The following ITGA1 variants were observed in gnomAD, a reference collection of about 807,000 sequenced individuals.
The protein encoded by ITGA1 is integrin alpha-1.
A neutral mutation model predicts 145.9 loss-of-function variants in ITGA1; 85 were observed. That is an observed-to-expected ratio of 0.58 (90% confidence interval 0.49 to 0.70). The LOEUF is 0.70. Ranked by LOEUF, ITGA1 falls within the 30% of genes least tolerant of loss-of-function variation. The pLI is 0.00. For synonymous variants in ITGA1, 520 were observed against 495.3 expected (o/e 1.05, Z -0.66); for missense variants, 1,351 against 1,418.7 (o/e 0.95, Z 0.77).
intron 2 of ITGA1, among the ~76,000 whole-genome samples, chr5:52,857,768 C>T (rs1295481998): frequency 6.6e-6 from 1 of 152,134 alleles, no homozygotes; most frequent in Non-Finnish European, 1.5e-5. Flanking sequence ...CTTTTAGGGC[C>T]TCAACCATGC....
intron 22 of ITGA1, 47 bp from the exon 23 acceptor site, chr5:52,933,847 A>G: frequency 1.0e-6 from 1 of 965,826 alleles, no homozygotes; most frequent in South Asian, 1.9e-5. Context: ...GCCAAATAAA[A>G]GTTAAACTTT....
intron 1 of ITGA1, among the ~76,000 whole-genome samples, chr5:52,789,166 G>C (rs1365282508): frequency 6.6e-6 from 1 of 152,068 alleles, no homozygotes; most frequent in African/African-American, 2.4e-5. Context: ...CATTTTGTAA[G>C]ATTTTCCCAA....
At chr5:52,903,406 T>C (rs1017616379) in intron 11 of ITGA1, 12 of 152,162 alleles carry the variant, frequency 7.9e-5, no homozygotes, top group African/African-American at 2.9e-4. Context: ...TACAAACATG[T>C]AACACATTAC....
intron 10 of ITGA1, 144 bp downstream of exon 10, chr5:52,897,672 C>A (rs1219087075): frequency 1.6e-6 from 1 of 619,388 alleles, no homozygotes; most frequent in Non-Finnish European, 2.9e-6. Flanking sequence ...TTTTCTAATT[C>A]AAATAGGAAA....
chr5:52,955,346 C>CAGATGATAGATAGAT lies in ITGA1; in HGVS notation c.*2899_*2900insGATAGATAGATAGAT, dbSNP rs944897958. 1.4e-5 allele frequency: 2 copies of CAGATGATAGATAGAT among 148,112 alleles called. No homozygotes were observed. Among genetic ancestry groups the CAGATGATAGATAGAT allele is most frequent in the African/African-American group, 5.0e-5 (2 of 40,036 alleles). 9.2% of individuals were successfully genotyped at this position (148,112 alleles called of 1,614,324 possible). ...CCACTGAGACAGATTACACGATAGACAGATAGATAGATAGATAGATAGATA... is the reference window on the plus strand; with the variant it reads ...CCACTGAGACAGATTACACGATAGACAGATGATAGATAGATAGATAGATAGATAGATAGATAGATA... On this transcript the variant is annotated 3_prime_UTR_variant, in exon 29 of 29. Transcript: ENST00000282588.
intron 1 of ITGA1, among the ~76,000 whole-genome samples, chr5:52,806,217 TAA>T (rs58907747): frequency 0.26 from 36,681 of 139,976 alleles, 5,503 homozygotes; most frequent in African/African-American, 0.45. Context: ...AAATTTAGTG[TAA>T]AAGTGTTACA....
rs367648010 is a variant in ITGA1, at chr5:52,833,458, A to C, written c.62-15907A>C. ...ATATGATTGTATTATGGGTTCCATA[A>C]AACATTATGACAATGTATTTTCTGG... On this transcript the variant is annotated intron_variant, in intron 1 of 28. Transcript: ENST00000282588. Among the ~76,000 whole-genome samples the C allele has an allele frequency of 9.9e-5, 15 of 152,276 alleles. 1 individual carries two copies. The South Asian group carries it at 3.1e-3, about 32-fold the overall frequency.
chr5:52,856,909 G>T (rs770242660), intron 2 of ITGA1, among the ~76,000 whole-genome samples: 5 of 152,118 alleles, frequency 3.3e-5, no homozygotes, highest in Non-Finnish European at 7.4e-5. Flanking sequence ...GTCCAAGCTG[G>T]CTTTCCTCAC....
At chr5:52,912,041 T>G (rs1038453960) in intron 14 of ITGA1, among the ~76,000 whole-genome samples, 1 of 139,450 alleles carries the variant, frequency 7.2e-6, no homozygotes, top group Non-Finnish European at 1.5e-5. Context: ...CTACTATATA[T>G]ACTATATATG....
At chr5:52,794,235 T>A (rs894684855) in intron 1 of ITGA1, among the ~76,000 whole-genome samples, 17 of 151,992 alleles carry the variant, frequency 1.1e-4, no homozygotes, top group African/African-American at 4.1e-4. Context: ...TGCAAATTCT[T>A]AAATTTAAAT....
intron 14 of ITGA1, among the ~76,000 whole-genome samples, chr5:52,912,092 A>G (rs1304359855): frequency 7.0e-5 from 10 of 141,992 alleles, no homozygotes; most frequent in East Asian, 6.4e-4. Context: ...ATATAGATAC[A>G]CTATATATAG....
At chr5:52,882,569 C>A (rs1749977292) in intron 7 of ITGA1, among the ~76,000 whole-genome samples, 1 of 151,974 alleles carries the variant, frequency 6.6e-6, no homozygotes, top group Non-Finnish European at 1.5e-5. Context: ...GTAATCCTCT[C>A]TCCTTTTTTA....
chr5:52,902,413 A>T (rs1480216597), intron 11 of ITGA1: 1 of 152,196 alleles, frequency 6.6e-6, no homozygotes, highest in Non-Finnish European at 1.5e-5. Flanking sequence ...GAAAGATGTG[A>T]GGCAATGTCA....
chr5:52,840,842 C>T (rs1749244338), intron 1 of ITGA1, among the ~76,000 whole-genome samples: 1 of 152,154 alleles, frequency 6.6e-6, no homozygotes, highest in Admixed American at 6.6e-5. Flanking sequence ...TTGATTTATT[C>T]CATCCTGTCC....
At chr5:52,824,282 C>G (rs540803239) in intron 1 of ITGA1, 1 of 149,440 alleles carries the variant, frequency 6.7e-6, no homozygotes, top group Admixed American at 6.9e-5. Flanking sequence ...AGATTGTTCT[C>G]TCTTTTCTTT....
At chr5:52,928,141 G>A (rs1045910441) in intron 20 of ITGA1, among the ~76,000 whole-genome samples, 2 of 152,208 alleles carry the variant, frequency 1.3e-5, no homozygotes, top group Admixed American at 6.5e-5. Flanking sequence ...TTTGTACAAG[G>A]TATTTATAAA....
At chr5:52,910,505 T>G in intron 14 of ITGA1, 86 bp downstream of exon 14, 1 of 1,422,188 alleles carries the variant, frequency 7.0e-7, no homozygotes, top group Non-Finnish European at 9.6e-7. Context: ...CATGAGTTAT[T>G]TAATTTCTTC....
intron 12 of ITGA1, among the ~76,000 whole-genome samples, chr5:52,907,723 C>CA (rs1165625874): frequency 1.3e-5 from 2 of 151,946 alleles, no homozygotes; most frequent in Non-Finnish European, 2.9e-5. Context: ...AGCTGCTGGG[C>CA]AAAAAAACAC....
At chr5:52,891,922 A>T (rs1472453195) in intron 8 of ITGA1, among the ~76,000 whole-genome samples, 1 of 152,084 alleles carries the variant, frequency 6.6e-6, no homozygotes, top group African/African-American at 2.4e-5. Flanking sequence ...AACATAAAAA[A>T]TTTTTACATT....
Sources: gnomAD v4.1 joint callset for allele counts (sites outside exome capture counted in the v4.1 genomes callset) on GRCh38, gnomAD v4.1.1 for gene constraint, MANE v1.5 for transcripts, NCBI Gene and HGNC (gene_info 2026-07-23, HGNC 2026-07-21) for gene names.